ANO10: variants seen among roughly 807,000 people sequenced by gnomAD.
ANO10 encodes the protein anoctamin-10.
In ANO10, 77 loss-of-function variants were observed where a neutral mutation model predicts 74.7. The ratio of observed to expected loss-of-function variants is 1.03; its 90% CI spans 0.86 to 1.25. The LOEUF is 1.25. Ranked by LOEUF, ANO10 falls within the 50% of genes most tolerant of loss-of-function variation. The pLI, the probability that ANO10 is intolerant of heterozygous loss-of-function variation, is 0.00. For synonymous variants in ANO10, 279 were observed against 284.9 expected, an observed-to-expected ratio of 0.98 and a Z score of 0.21; for missense variants, 721 against 778.1, an observed-to-expected ratio of 0.93 and a Z score of 0.87.
chr3:43,612,143 TATA>T (rs1559780602), intron 1 of ANO10, among the ~76,000 whole-genome samples: 159 of 14,466 alleles, frequency 0.011, no homozygotes, highest in African/African-American at 0.067. Flanking sequence ...AAATATTTTA[TATA>T]TATATATATA....
intron 11 of ANO10, among the ~76,000 whole-genome samples, chr3:43,445,966 G>C (rs960338621): frequency 2.6e-5 from 4 of 152,016 alleles, no homozygotes; most frequent in African/African-American, 9.7e-5. Flanking sequence ...CAAAGAGCTG[G>C]GATTACAGAA....
intron 11 of ANO10, among the ~76,000 whole-genome samples, chr3:43,534,129 A>G (rs1333674979): frequency 2.0e-5 from 3 of 152,206 alleles, no homozygotes; most frequent in Non-Finnish European, 2.9e-5. Flanking sequence ...ATGTAAATGC[A>G]TTATTACCCA....
chr3:43,560,259 C>T (rs571486310), intron 9 of ANO10, among the ~76,000 whole-genome samples: 21 of 152,326 alleles, frequency 1.4e-4, no homozygotes, highest in Admixed American at 3.3e-4. Flanking sequence ...AAGATGGGAG[C>T]TCTGGGCTAC....
At chr3:43,691,441 C>T (rs1054994920) in intron 1 of ANO10, 1 of 160,784 alleles carries the variant, frequency 6.2e-6, no homozygotes, top group African/African-American at 2.4e-5. Context: ...CCGGTCGACC[C>T]TGCACCTGAC....
At chr3:43,565,912 C>T (rs1293312969) in intron 7 of ANO10, among the ~76,000 whole-genome samples, 185 bp from the exon 8 acceptor site, 2 of 152,132 alleles carry the variant, frequency 1.3e-5, no homozygotes, top group East Asian at 3.9e-4. Flanking sequence ...TCTGCATTTA[C>T]ATCTGAGGTA....
chr3:43,491,575 T>C (rs2076726632), intron 11 of ANO10, among the ~76,000 whole-genome samples: 1 of 152,048 alleles, frequency 6.6e-6, no homozygotes, highest in African/African-American at 2.4e-5. Context: ...ATCTCACAAG[T>C]CACCTGCTTG....
chr3:43,447,829 T>C (rs551814297), intron 11 of ANO10, among the ~76,000 whole-genome samples: 15 of 152,332 alleles, frequency 9.8e-5, no homozygotes, highest in Admixed American at 3.9e-4. Context: ...TCTGCTACAA[T>C]TGATGTACCA....
intron 12 of ANO10, among the ~76,000 whole-genome samples, chr3:43,395,603 G>A (rs767709941): frequency 6.6e-6 from 1 of 152,070 alleles, no homozygotes; most frequent in Non-Finnish European, 1.5e-5. Flanking sequence ...CATGTGTGAG[G>A]TTATCACCGA....
chr3:43,632,557 A>G (rs2083560038), intron 1 of ANO10, among the ~76,000 whole-genome samples: 1 of 152,250 alleles, frequency 6.6e-6, no homozygotes, highest in Non-Finnish European at 1.5e-5. Flanking sequence ...GGTTTCCCTA[A>G]ACTTTGCTCA....
chr3:43,571,036 A>G (rs2080679783), intron 7 of ANO10, among the ~76,000 whole-genome samples: 1 of 151,654 alleles, frequency 6.6e-6, no homozygotes, highest in South Asian at 2.1e-4. Context: ...ACATGAACAG[A>G]TACTTCTCAA....
chr3:43,382,336 G>A lies in ANO10; in HGVS notation c.1915-15362C>T, dbSNP rs192191110. Among the ~76,000 whole-genome samples, 130 of 152,090 alleles carry A rather than the reference G, an allele frequency of 8.5e-4. No homozygotes were observed. The Middle Eastern group carries it at 0.01, about 12-fold the overall frequency. On this transcript the variant is annotated intron_variant, in intron 12 of 12. Coordinates refer to ENST00000292246, the MANE Select transcript of ANO10 (RefSeq NM_018075.5). The stretch of plus-strand genomic sequence containing the variant: ...AGATCGAGACCACCCTGGCTAACAC[G>A]GTGAAACCCCGTCTCTACTAAAAAT...
intron 4 of ANO10, among the ~76,000 whole-genome samples, chr3:43,584,811 C>A (rs985784738): frequency 2.6e-5 from 4 of 152,130 alleles, no homozygotes; most frequent in African/African-American, 4.8e-5. Context: ...CAGCAAGCAA[C>A]TTTACACGCG....
At chr3:43,520,421 A>C (rs1269724464) in intron 11 of ANO10, among the ~76,000 whole-genome samples, 1 of 152,158 alleles carries the variant, frequency 6.6e-6, no homozygotes, top group Non-Finnish European at 1.5e-5. Context: ...TCAACATATG[A>C]ATTTTAGGGG....
At chr3:43,608,074 C>T (rs1378353322) in intron 1 of ANO10, among the ~76,000 whole-genome samples, 3 of 151,992 alleles carry the variant, frequency 2.0e-5, no homozygotes, top group Admixed American at 6.6e-5. Context: ...AAGAATTTCC[C>T]AAAGCTGACA....
At chr3:43,429,460 A>G (rs2092948616) in intron 12 of ANO10, among the ~76,000 whole-genome samples, 2 of 152,168 alleles carry the variant, frequency 1.3e-5, no homozygotes, top group African/African-American at 4.8e-5. Flanking sequence ...GATTCTTCCT[A>G]GACCTGGAGT....
At chr3:43,410,686 C>T (rs2092650739) in intron 12 of ANO10, among the ~76,000 whole-genome samples, 1 of 152,084 alleles carries the variant, frequency 6.6e-6, no homozygotes, top group African/African-American at 2.4e-5. Flanking sequence ...TATACCTTTT[C>T]AACCAGGGTG....
At chr3:43,453,727 C>T (rs577955906) in intron 11 of ANO10, among the ~76,000 whole-genome samples, 2 of 152,332 alleles carry the variant, frequency 1.3e-5, no homozygotes, top group Non-Finnish European at 2.9e-5. Flanking sequence ...ATTCTTTCCT[C>T]ATTCAATTAT....
At chr3:43,574,411 C>T (rs1422449473) in intron 7 of ANO10, among the ~76,000 whole-genome samples, 1 of 152,052 alleles carries the variant, frequency 6.6e-6, no homozygotes, top group Non-Finnish European at 1.5e-5. Context: ...GCTGGGATTA[C>T]AGGCCTGCGT....
chr3:43,452,054 A>G (rs924570117), intron 11 of ANO10, among the ~76,000 whole-genome samples: 1 of 152,238 alleles, frequency 6.6e-6, no homozygotes, highest in South Asian at 2.1e-4. Context: ...CTAATAAAAT[A>G]GGCCATAGAA....
Sources: gnomAD v4.1 joint callset for allele counts (sites outside exome capture counted in the v4.1 genomes callset) on GRCh38, gnomAD v4.1.1 for gene constraint, MANE v1.5 for transcripts, NCBI Gene and HGNC (gene_info 2026-07-23, HGNC 2026-07-21) for gene names.